TAB2: variants seen among roughly 807,000 people sequenced by gnomAD.
The protein encoded by TAB2 is TGF-beta activated kinase 1 (MAP3K7) binding protein 2.
Under a neutral mutation model 65.0 loss-of-function variants are expected in TAB2, and 3 were observed. That is an observed-to-expected ratio of 0.05 (90% CI 0.02 to 0.12). TAB2 has a LOEUF of 0.12. TAB2 is among the 10% of genes least tolerant of loss of function. The pLI is 1.00. For missense variants in TAB2, 623 were observed against 840.3 expected, an observed-to-expected ratio of 0.74 and a Z score of 3.20; for synonymous variants, 298 against 285.1, an observed-to-expected ratio of 1.05 and a Z score of -0.46.
exon 1 of TAB2, chr6:149,218,728 G>A (rs1281096082): frequency 2.6e-5 from 12 of 455,820 alleles, no homozygotes; most frequent in South Asian, 3.1e-5. Flanking sequence ...GATGAAGAAG[G>A]ATTTGAGACT....
At chr6:149,253,661 C>A (rs1486488936) in intron 1 of TAB2, among the ~76,000 whole-genome samples, 1 of 146,026 alleles carries the variant, frequency 6.8e-6, no homozygotes, top group Non-Finnish European at 1.5e-5. Context: ...TGATGGCTCA[C>A]GCTTGTAATC....
intron 1 of TAB2, among the ~76,000 whole-genome samples, chr6:149,361,102 G>A (rs1273793545): frequency 3.3e-5 from 5 of 152,160 alleles, no homozygotes; most frequent in East Asian, 1.9e-4. Flanking sequence ...ACATTCTAGG[G>A]TCTGGAGGAC....
intron 1 of TAB2, among the ~76,000 whole-genome samples, chr6:149,285,266 G>A (rs1038843138): frequency 2.0e-5 from 3 of 152,212 alleles, no homozygotes; most frequent in Non-Finnish European, 4.4e-5. Context: ...GTACCCTAAT[G>A]GGCAGACCAA....
chr6:149,325,265 A>G (rs1002399290), intron 1 of TAB2, among the ~76,000 whole-genome samples: 3 of 152,202 alleles, frequency 2.0e-5, no homozygotes, highest in African/African-American at 7.2e-5. Context: ...GGATATAGTA[A>G]TACCTACCTT....
intron 1 of TAB2, among the ~76,000 whole-genome samples, chr6:149,302,639 C>G (rs1778990088): frequency 6.6e-6 from 1 of 152,214 alleles, no homozygotes; most frequent in Non-Finnish European, 1.5e-5. Context: ...AGCTCTTCTA[C>G]TAAAGTACTC....
intron 1 of TAB2, among the ~76,000 whole-genome samples, chr6:149,276,836 T>C (rs1032227995): frequency 8.5e-5 from 13 of 152,216 alleles, no homozygotes; most frequent in African/African-American, 2.9e-4. Flanking sequence ...CTCACATATA[T>C]GCTGATATGG....
intron 1 of TAB2, chr6:149,318,772 T>A (rs1201082608): frequency 6.6e-6 from 1 of 152,276 alleles, no homozygotes; most frequent in Non-Finnish European, 1.5e-5. Context: ...CACCAAAGTG[T>A]CAGAGACCGT....
intron 1 of TAB2, among the ~76,000 whole-genome samples, chr6:149,322,039 A>G (rs943870217): frequency 2.6e-5 from 4 of 152,152 alleles, no homozygotes; most frequent in African/African-American, 7.2e-5. Flanking sequence ...GATATCCTGC[A>G]TAATAAAGAG....
At chr6:149,396,354 AGAACTCTT>A (rs1460481331) in intron 3 of TAB2, among the ~76,000 whole-genome samples, 2 of 152,092 alleles carry the variant, frequency 1.3e-5, no homozygotes, top group South Asian at 2.1e-4. Flanking sequence ...GAGACCTTTC[AGAACTCTT>A]CTTTCATTTT....
rs1478544083 is a variant in TAB2 at position 149,357,866 on chromosome 6, A to AT, written c.-89-12037dup. On this transcript the variant is annotated intron_variant, in intron 1 of 6. Transcript: ENST00000637181. ...AGGCATCCACCCCTACGCCCGGCTG[A>AT]TTTTTTGTATTTTTAGTAGAGACGA... Among the ~76,000 whole-genome samples, 10 of 151,930 alleles carry AT rather than the reference A, an allele frequency of 6.6e-5. No individual in the cohort carries two copies. In the East Asian group the frequency reaches 1.9e-3, roughly 30 times the overall value.
intron 1 of TAB2, chr6:149,245,575 A>G (rs919359009): frequency 1.7e-4 from 25 of 151,162 alleles, no homozygotes; most frequent in Admixed American, 1.6e-3. Flanking sequence ...TCTTCCTGAA[A>G]TTCCTTCATT....
At chr6:149,350,313 G>T (rs935086347) in intron 1 of TAB2, among the ~76,000 whole-genome samples, 3 of 152,160 alleles carry the variant, frequency 2.0e-5, no homozygotes, top group African/African-American at 7.2e-5. Context: ...ACTGGGAGAA[G>T]AGGAAGTCTA....
At chr6:149,391,396 G>A (rs1470522560) in intron 3 of TAB2, among the ~76,000 whole-genome samples, 1 of 151,862 alleles carries the variant, frequency 6.6e-6, no homozygotes, top group African/African-American at 2.4e-5. Flanking sequence ...TTCAGCCCTG[G>A]GAAATTCTTT....
intron 1 of TAB2, among the ~76,000 whole-genome samples, chr6:149,290,800 G>A (rs138368518): frequency 0.041 from 6,292 of 152,254 alleles, 439 homozygotes; most frequent in African/African-American, 0.14. Flanking sequence ...AGCTAAGATC[G>A]TGCCACTGCA....
intron 1 of TAB2, among the ~76,000 whole-genome samples, chr6:149,275,245 A>AAAG (rs1239584142): frequency 0.021 from 2,328 of 112,804 alleles, 123 homozygotes; most frequent in African/African-American, 0.071. Context: ...AGAAAGAAAG[A>AAAG]AAGAAAGAAA....
intron 1 of TAB2, among the ~76,000 whole-genome samples, chr6:149,294,666 T>C (rs774113116): frequency 7.2e-5 from 11 of 152,328 alleles, no homozygotes; most frequent in Middle Eastern, 3.4e-3. Flanking sequence ...TTATAACCAA[T>C]AGCACATCAT....
At chr6:149,346,292 C>A (rs1780297753) in intron 1 of TAB2, among the ~76,000 whole-genome samples, 1 of 152,126 alleles carries the variant, frequency 6.6e-6, no homozygotes, top group Non-Finnish European at 1.5e-5. Context: ...ACACCCCTCT[C>A]CCTTAGCAGC....
At chr6:149,268,606 C>T (rs1456198884) in intron 1 of TAB2, among the ~76,000 whole-genome samples, 1 of 152,168 alleles carries the variant, frequency 6.6e-6, no homozygotes, top group Non-Finnish European at 1.5e-5. Flanking sequence ...ATCAGTGTAA[C>T]ACCTTAAAAT....
Position 149,378,174 on chromosome 6 carries a change from A to G in TAB2, c.259A>G (p.Ile87Val). Reference protein sequence around the residue: ...SLNLDLQSQNIYHHGREGSRM... With the variant: ...SLNLDLQSQNVYHHGREGSRM... ...CAACTTGGACTTGCAATCACAGAACATTTACCACCATGGAAGAGAAGGAAG... is the reference window on the plus strand; with the variant it reads ...CAACTTGGACTTGCAATCACAGAACGTTTACCACCATGGAAGAGAAGGAAG... Residue 87 changes from isoleucine (I) to valine (V), a missense_variant, in exon 3 of 7, where the codon ATT becomes GTT. Physicochemically the swap from Ile to Val is conservative, Grantham distance 29. Around this residue, in one of 3 missense-constraint regions of TAB2, gnomAD observed 550 missense variants for 665.7 expected, o/e 0.83. Transcript: ENST00000637181. The G allele has an allele frequency of 6.2e-7, 1 of 1,614,200 alleles. No homozygotes were observed. The highest frequency in any genetic ancestry group is 8.5e-7 in the Non-Finnish European group (1 of 1,180,040).
Sources: gnomAD v4.1 joint callset for allele counts (sites outside exome capture counted in the v4.1 genomes callset) on GRCh38, gnomAD v4.1.1 for gene constraint, gnomAD v4.1.1 regional missense constraint, MANE v1.5 for transcripts, NCBI Gene and HGNC (gene_info 2026-07-23, HGNC 2026-07-21) for gene names.